Variants in POU6F2 observed in about 807,000 individuals in gnomAD.
POU6F2 encodes POU class 6 homeobox 2, also known as POU domain, class 6, transcription factor 2.
In POU6F2, 31 loss-of-function variants were observed where a neutral mutation model predicts 71.3. The ratio of observed to expected loss-of-function variants is 0.43; its 90% CI spans 0.33 to 0.59. The LOEUF (loss-of-function observed/expected upper bound fraction) is 0.59. Ranked by LOEUF, POU6F2 falls within the 20% of genes least tolerant of loss-of-function variation. The pLI is 0.04. For synonymous variants in POU6F2, 347 were observed against 355.7 expected (o/e 0.98, Z 0.27); for missense variants, 783 against 856.8 (o/e 0.91, Z 1.07).
rs398004470 is a variant in POU6F2 at position 39,246,905 on chromosome 7, C to CTTTTTTTTTTTTTTTTTT, written c.598+39291_598+39308dup. ...CCAGCTCACCCCAAATCCAGGGTGG[C>CTTTTTTTTTTTTTTTTTT]TTTTTTTTTTTTTTTTTTTTTTTGC... is the stretch of plus-strand genomic sequence containing the variant. On this transcript the variant is annotated intron_variant, in intron 4 of 9. Coordinates refer to ENST00000518318, the MANE Select transcript of POU6F2 (RefSeq NM_001370959.1). Among the ~76,000 whole-genome samples the CTTTTTTTTTTTTTTTTTT allele has an allele frequency of 7.5e-4, 59 of 78,156 alleles. 7 individuals carry two copies. Among genetic ancestry groups the CTTTTTTTTTTTTTTTTTT allele is most frequent in the East Asian group, 2.6e-3 (6 of 2,326 alleles). 51.3% of individuals were successfully genotyped at this position (78,156 alleles called of 152,430 possible).
intron 4 of POU6F2, among the ~76,000 whole-genome samples, chr7:39,229,839 C>A (rs1794541351): frequency 6.6e-6 from 1 of 152,186 alleles, no homozygotes; most frequent in Admixed American, 6.5e-5. Context: ...AGGGGAGATA[C>A]TAACTGACGT....
chr7:39,170,819 T>C (rs1793203954), intron 2 of POU6F2, among the ~76,000 whole-genome samples: 1 of 152,056 alleles, frequency 6.6e-6, no homozygotes, highest in Non-Finnish European at 1.5e-5. Flanking sequence ...TTACACATTG[T>C]ATACATGTAT....
intron 2 of POU6F2, among the ~76,000 whole-genome samples, chr7:39,101,012 C>G (rs949649988): frequency 6.6e-6 from 1 of 151,830 alleles, no homozygotes; most frequent in Non-Finnish European, 1.5e-5. Context: ...CCACACCATT[C>G]ATTTCCAACC....
At chr7:39,201,645 G>C (rs1192608279) in intron 2 of POU6F2, among the ~76,000 whole-genome samples, 2 of 152,194 alleles carry the variant, frequency 1.3e-5, no homozygotes, top group African/African-American at 2.4e-5. Flanking sequence ...CTTGGTCTCA[G>C]AGATGTAACA....
intron 2 of POU6F2, among the ~76,000 whole-genome samples, chr7:39,109,147 G>A (rs1791752827): frequency 6.6e-6 from 1 of 152,186 alleles, no homozygotes; most frequent in Non-Finnish European, 1.5e-5. Flanking sequence ...CTGGGCTCAA[G>A]TAATCCTCCT....
intron 1 of POU6F2, among the ~76,000 whole-genome samples, chr7:39,040,387 C>T (rs1326653253): frequency 6.6e-6 from 1 of 151,124 alleles, no homozygotes; most frequent in Non-Finnish European, 1.5e-5. Flanking sequence ...GTTATCCTAT[C>T]TTTAAGACAT....
chr7:39,459,202 A>T (rs1174162430), intron 8 of POU6F2, among the ~76,000 whole-genome samples: 1 of 152,198 alleles, frequency 6.6e-6, no homozygotes, highest in Non-Finnish European at 1.5e-5. Context: ...CAATCTTTCT[A>T]CAACAAAATT....
At chr7:39,297,123 G>C (rs947243578) in intron 4 of POU6F2, among the ~76,000 whole-genome samples, 4 of 150,342 alleles carry the variant, frequency 2.7e-5, no homozygotes, top group African/African-American at 9.8e-5. Context: ...TAATAATAAT[G>C]CTTTTTAAAT....
intron 4 of POU6F2, among the ~76,000 whole-genome samples, chr7:39,229,521 C>T (rs1167043058): frequency 6.6e-6 from 1 of 152,216 alleles, no homozygotes; most frequent in Non-Finnish European, 1.5e-5. Flanking sequence ...AGGAAAGCAG[C>T]AGCTTGGGCC....
At chr7:39,367,879 G>A (rs1279809600) in intron 5 of POU6F2, among the ~76,000 whole-genome samples, 1 of 152,136 alleles carries the variant, frequency 6.6e-6, no homozygotes, top group Non-Finnish European at 1.5e-5. Flanking sequence ...GATCTTTGAT[G>A]TTACTATTGT....
chr7:39,132,396 G>C (rs1193226916), intron 2 of POU6F2: 4 of 152,076 alleles, frequency 2.6e-5, no homozygotes, highest in African/African-American at 4.8e-5. Flanking sequence ...CTCGTTCAAG[G>C]CTAATCAGAG....
intron 5 of POU6F2, among the ~76,000 whole-genome samples, chr7:39,350,541 C>T (rs1786120705): frequency 6.6e-6 from 1 of 152,178 alleles, no homozygotes; most frequent in Admixed American, 6.5e-5. Context: ...AGGAATCTGA[C>T]CAATCTAAGG....
intron 4 of POU6F2, among the ~76,000 whole-genome samples, chr7:39,279,746 T>G (rs935139429): frequency 2.6e-5 from 4 of 152,010 alleles, no homozygotes; most frequent in Admixed American, 6.6e-5. Context: ...TTTATTTTAT[T>G]TATTTATTTA....
intron 5 of POU6F2, among the ~76,000 whole-genome samples, chr7:39,377,826 A>G (rs1583560801): frequency 6.6e-6 from 1 of 152,334 alleles, no homozygotes; most frequent in Non-Finnish European, 1.5e-5. Context: ...GTGAAGATAC[A>G]AAAACCATAT....
intron 1 of POU6F2, among the ~76,000 whole-genome samples, chr7:39,002,394 C>G (rs1788940305): frequency 6.6e-6 from 1 of 152,188 alleles, no homozygotes; most frequent in South Asian, 2.1e-4. Flanking sequence ...GTTGCCCAAG[C>G]TGGAGTGCAG....
chr7:39,406,540 T>C, intron 5 of POU6F2, 60 bp from the exon 6 acceptor site: 2 of 1,580,368 alleles, frequency 1.3e-6, no homozygotes, highest in South Asian at 1.1e-5. Context: ...CAATGTTGTG[T>C]CCGTGTGCTG....
chr7:39,264,910 T>G (rs1289943047), intron 4 of POU6F2, among the ~76,000 whole-genome samples: 1 of 152,116 alleles, frequency 6.6e-6, no homozygotes, highest in Non-Finnish European at 1.5e-5. Context: ...CAAAATTGGT[T>G]GGAAAAACTG....
chr7:39,067,170 T>TAA (rs1183885395), intron 1 of POU6F2, among the ~76,000 whole-genome samples: 17 of 130,944 alleles, frequency 1.3e-4, no homozygotes, highest in African/African-American at 3.0e-4. Context: ...TTACTTTGAC[T>TAA]AAAAAAAAAA....
At chr7:38,980,681 G>A (rs1404238341) in intron 1 of POU6F2, among the ~76,000 whole-genome samples, 1 of 151,842 alleles carries the variant, frequency 6.6e-6, no homozygotes, top group Admixed American at 6.6e-5. Flanking sequence ...GCTCAAATAC[G>A]TTTTGGAATA....
Sources: allele counts gnomAD v4.1 joint callset (sites outside exome capture counted in the v4.1 genomes callset), GRCh38; gene constraint gnomAD v4.1.1; transcripts MANE v1.5; gene names NCBI Gene and HGNC (gene_info 2026-07-23, HGNC 2026-07-21).